The following METTL6 variants were observed in gnomAD, a reference collection of about 807,000 sequenced individuals.
The protein encoded by METTL6 is tRNA N(3)-cytidine methyltransferase METTL6.
Under a neutral mutation model 26.4 loss-of-function variants are expected in METTL6, and 22 were observed. The ratio of observed to expected loss-of-function variants is 0.83; its 90% confidence interval spans 0.59 to 1.19. The LOEUF (loss-of-function observed/expected upper bound fraction) is 1.19. METTL6 is among the 50% of genes most tolerant of loss of function. The pLI is 0.00. For missense variants in METTL6, 304 were observed against 324.8 expected, an observed-to-expected ratio of 0.94 and a Z score of 0.49; for synonymous variants, 109 against 116.2, an observed-to-expected ratio of 0.94 and a Z score of 0.40.
At chr3:15,406,299 G>A (rs926205094), downstream of METTL6, among the ~76,000 whole-genome samples, 1 of 151,532 alleles carries the variant, frequency 6.6e-6, no homozygotes, top group Non-Finnish European at 1.5e-5. Context: ...ACCCAAACGT[G>A]GGAGAACCTG....
At position 15,422,448 on chromosome 3, in the gene METTL6, AC is replaced by A. The variant is rs570066945; in HGVS notation, c.360+2506del. Among the ~76,000 whole-genome samples, 555 of 152,028 alleles carry A rather than the reference AC, an allele frequency of 3.7e-3. 3 individuals carry two copies. Among genetic ancestry groups the A allele is most frequent in the Non-Finnish European group, 6.4e-3 (437 of 67,956 alleles). ...AGACCAGGCTGGGCAAAATGGAGAA[AC>A]CCTGTCTCTACAAAAAAATACAAAA... On this transcript the variant is annotated intron_variant, in intron 3 of 5. Transcript: ENST00000383790.
intron 3 of METTL6, 99 bp downstream of exon 3, chr3:15,424,856 C>A: frequency 6.6e-7 from 1 of 1,524,422 alleles, no homozygotes; most frequent in East Asian, 2.3e-5. Flanking sequence ...TGGTTAGCTC[C>A]AGGGAAGACT....
rs2061542848 is a variant in METTL6, at chr3:15,418,602, G to C, written c.361-2660C>G. 2.0e-5 allele frequency among the ~76,000 whole-genome samples: 3 copies of C among 152,152 alleles called. No individual in the cohort carries two copies. The South Asian group carries it at 6.2e-4, about 32-fold the overall frequency. On this transcript the variant is annotated intron_variant, in intron 3 of 5. Transcript: ENST00000383790. ...CATAACTGGAATCCCAGAGGGAGAA[G>C]AGAGAACAAGAGCTAAAGAAAGAAT... is the stretch of plus-strand genomic sequence containing the variant.
chr3:15,421,754 A>G (rs1004712026), intron 3 of METTL6, among the ~76,000 whole-genome samples: 1 of 152,126 alleles, frequency 6.6e-6, no homozygotes, highest in African/African-American at 2.4e-5. Flanking sequence ...TACTAAAAAT[A>G]CAAAAAAATT....
In METTL6 at chr3:15,391,574, C is replaced by T. The variant is rs756220275; in HGVS notation, c.*12-7387G>A. Among the ~76,000 whole-genome samples, 128 of 151,928 alleles carry T rather than the reference C, an allele frequency of 8.4e-4. 1 individual carries two copies. Among genetic ancestry groups the T allele is most frequent in the Middle Eastern group, 6.8e-3 (2 of 294 alleles). ...CAGGTTTATTACATATATATACATGCGCCATGTTGGTGTGTCGCACCCAAT... is the reference window on the plus strand; with the variant it reads ...CAGGTTTATTACATATATATACATGTGCCATGTTGGTGTGTCGCACCCAAT... On this transcript the variant is annotated intron_variant, in intron 6 of 6. Coordinates refer to the METTL6 transcript ENST00000443029.
intron 6 of METTL6, among the ~76,000 whole-genome samples, chr3:15,394,813 A>G (rs1699444097): frequency 6.6e-6 from 1 of 152,024 alleles, no homozygotes; most frequent in African/African-American, 2.4e-5. Context: ...TGGTTTTGAG[A>G]GTGAGTTTCT....
chr3:15,398,470 A>G (rs920159012), intron 6 of METTL6, among the ~76,000 whole-genome samples: 6 of 152,336 alleles, frequency 3.9e-5, no homozygotes, highest in Non-Finnish European at 8.8e-5. Context: ...CTGGGATTAC[A>G]GGCATGAGCC....
chr3:15,391,604 C>T (rs977313056), intron 6 of METTL6, among the ~76,000 whole-genome samples: 12 of 151,596 alleles, frequency 7.9e-5, no homozygotes, highest in South Asian at 4.2e-4. Context: ...CCCAATAACT[C>T]GTCATTTAAC....
In METTL6 at chr3:15,412,102, C is replaced by A. The variant is rs112915261; in HGVS notation, c.674-665G>T. Among the ~76,000 whole-genome samples, 1,156 of 152,262 alleles carry A rather than the reference C, an allele frequency of 7.6e-3. 23 individuals carry two copies. Among genetic ancestry groups the A allele is most frequent in the African/African-American group, 0.027 (1,108 of 41,546 alleles). ...TTTTAAAAATTATCTTATTGTTTCCCATCTCCGAACAAAAACATAAAAATT... is the reference window on the plus strand; with the variant it reads ...TTTTAAAAATTATCTTATTGTTTCCAATCTCCGAACAAAAACATAAAAATT... On this transcript the variant is annotated intron_variant, in intron 5 of 5. Transcript: ENST00000383790.
chr3:15,427,625 A>G, upstream of METTL6: 1 of 707,348 alleles, frequency 1.4e-6, no homozygotes, highest in Non-Finnish European at 2.4e-6. Context: ...AGAGGAGAGA[A>G]CTTGCTTCTG....
intron 3 of METTL6, among the ~76,000 whole-genome samples, chr3:15,423,486 A>C (rs1048972197): frequency 6.6e-6 from 1 of 152,164 alleles, no homozygotes; most frequent in African/African-American, 2.4e-5. Context: ...GTAATCCCAC[A>C]CTCTGGGAGT....
In METTL6 at chr3:15,410,483, G is replaced by C. The variant is rs575912789; in HGVS notation, c.*773C>G. Among the ~76,000 whole-genome samples the C allele has an allele frequency of 2.0e-5, 3 of 152,178 alleles. No homozygotes were observed. The highest frequency in any genetic ancestry group is 2.9e-5 in the Non-Finnish European group (2 of 68,008). On this transcript the variant is annotated 3_prime_UTR_variant, in exon 6 of 6. Coordinates refer to ENST00000383790, the MANE Select transcript of METTL6 (RefSeq NM_152396.4). Reference sequence around the variant, plus strand: ...ATGCCACCACATTTGGCTAATTTTTGTATTTTCTGTAGAGACAGAGTTTCA... The same window carrying C: ...ATGCCACCACATTTGGCTAATTTTTCTATTTTCTGTAGAGACAGAGTTTCA...
At chr3:15,406,621 TATATATATAGAGAGAGAGAGAG>T (rs1209368089), downstream of METTL6, among the ~76,000 whole-genome samples, 1 of 41,216 alleles carries the variant, frequency 2.4e-5, no homozygotes, top group African/African-American at 1.2e-4. Flanking sequence ...TATATATATA[TATATATATAGAGAGAGAGAGAG>T]AGAGAGAGAG....
At chr3:15,401,354 T>C (rs1459961587) in intron 6 of METTL6, among the ~76,000 whole-genome samples, 2 of 151,706 alleles carry the variant, frequency 1.3e-5, no homozygotes, top group Non-Finnish European at 2.9e-5. Flanking sequence ...TTGTATTTTC[T>C]GTAGAAATGG....
chr3:15,391,302 C>T (rs73029605), intron 6 of METTL6, among the ~76,000 whole-genome samples: 4,311 of 152,296 alleles, frequency 0.028, 112 homozygotes, highest in East Asian at 0.098. Flanking sequence ...AGCTGAGGTT[C>T]CAGGCTTAAG....
At chr3:15,391,750 T>C (rs1226611998) in intron 6 of METTL6, among the ~76,000 whole-genome samples, 2 of 150,198 alleles carry the variant, frequency 1.3e-5, no homozygotes, top group Non-Finnish European at 3.0e-5. Flanking sequence ...CATGCGGTGT[T>C]TGGTTTTTTG....
rs2124981215 is a variant in METTL6, at chr3:15,414,122, C to A, written c.572G>T (p.Gly191Val). 1 of 1,613,736 alleles carries A rather than the reference C, an allele frequency of 6.2e-7. No homozygotes were observed. Among genetic ancestry groups the A allele is most frequent in the African/African-American group, 1.3e-5 (1 of 74,998 alleles). The change falls in exon 5 of 6, where the codon GGA (glycine) becomes GTA (valine). Residue 191 changes from glycine to valine, a missense_variant. Transcript: ENST00000383790. ...CCTAAGCATGGCATGATCATACAGT[C>A]CGTAGTCACGAAACAAGACACTTTT... ...PGKSVLFRDY[G>V]LYDHAMLRFK...
At chr3:15,409,476 C>G (rs1228917862), downstream of METTL6, among the ~76,000 whole-genome samples, 1 of 152,220 alleles carries the variant, frequency 6.6e-6, no homozygotes, top group Non-Finnish European at 1.5e-5. Flanking sequence ...TCCCCATATT[C>G]TGCAACACTA....
intron 2 of METTL6, among the ~76,000 whole-genome samples, chr3:15,425,731 T>C (rs759629215): frequency 6.6e-6 from 1 of 152,294 alleles, no homozygotes; most frequent in East Asian, 1.9e-4. Flanking sequence ...GAATTTAATA[T>C]ATAATGTTTA....
Sources: allele counts gnomAD v4.1 joint callset (sites outside exome capture counted in the v4.1 genomes callset), GRCh38; gene constraint gnomAD v4.1.1; transcripts MANE v1.5; gene names NCBI Gene and HGNC (gene_info 2026-07-23, HGNC 2026-07-21).